UBXN6: variants seen among roughly 807,000 people sequenced by gnomAD.
The protein encoded by UBXN6 is UBX domain protein 6.
UBXN6 carries 44 observed loss-of-function variants against 51.4 expected under a neutral mutation model. The observed-to-expected ratio is 0.86, with a 90% CI of 0.67 to 1.10. The LOEUF (loss-of-function observed/expected upper bound fraction) is 1.10. Among genes scored for constraint, UBXN6 ranks in the 50% least tolerant of loss-of-function variants. The probability of loss-of-function intolerance (pLI) is 0.00; values close to 1 mark genes in which losing one functional copy is unlikely to be tolerated. For missense variants in UBXN6, 672 were observed against 596.1 expected (o/e 1.13, Z -1.32); for synonymous variants, 316 against 263.2 (o/e 1.20, Z -1.94).
At chr19:4,448,200 C>A (rs1974578576) in intron 5 of UBXN6, 118 bp downstream of exon 5, 1 of 940,820 alleles carries the variant, frequency 1.1e-6, no homozygotes, top group Non-Finnish European at 1.6e-6. Flanking sequence ...TCGGCCTATG[C>A]TCCTTCCCAA....
chr19:4,452,592 C>T (rs1974673131), intron 3 of UBXN6, 100 bp from the exon 4 acceptor site: 1 of 1,442,724 alleles, frequency 6.9e-7, no homozygotes, highest in African/African-American at 1.4e-5. Flanking sequence ...AACCAGACAT[C>T]TCCAGCCCCC....
At chr19:4,445,774 C>T in intron 10 of UBXN6, 151 bp from the exon 11 acceptor site, 1 of 1,314,650 alleles carries the variant, frequency 7.6e-7, no homozygotes, top group Non-Finnish European at 1.0e-6. Context: ...CTCCTGCCCT[C>T]TCCCTCCGGG....
chr19:4,449,114 G>A (rs894494270), intron 4 of UBXN6: 1 of 153,844 alleles, frequency 6.5e-6, no homozygotes, highest in African/African-American at 2.4e-5. Context: ...GAGAGGCTGA[G>A]AACAGTACGT....
At chr19:4,453,174 T>A (rs182021672) in intron 3 of UBXN6, among the ~76,000 whole-genome samples, 18 of 152,248 alleles carry the variant, frequency 1.2e-4, no homozygotes, top group African/African-American at 4.3e-4. Context: ...TCTTTTTGAA[T>A]AGTGGAAACT....
At chr19:4,447,319 G>A (rs1260779555) in intron 6 of UBXN6, 1 of 584,174 alleles carries the variant, frequency 1.7e-6, no homozygotes, top group East Asian at 2.9e-5. Flanking sequence ...GGAGGAAAAG[G>A]ATGCAGGTGA....
At chr19:4,449,766 G>C (rs1023316595) in intron 4 of UBXN6, 1 of 152,172 alleles carries the variant, frequency 6.6e-6, no homozygotes, top group Non-Finnish European at 1.5e-5. Flanking sequence ...TTTCACAGCT[G>C]TAAGCAAAAG....
At chr19:4,449,414 G>A (rs560215795) in intron 4 of UBXN6, 16 of 152,468 alleles carry the variant, frequency 1.0e-4, no homozygotes, top group African/African-American at 3.1e-4. Flanking sequence ...CCTACACACT[G>A]AGCCGGGGCT....
intron 3 of UBXN6, 152 bp from the exon 4 acceptor site, chr19:4,452,644 C>G: frequency 9.0e-7 from 1 of 1,116,668 alleles, no homozygotes; most frequent in Non-Finnish European, 1.2e-6. Context: ...GACACCCTGG[C>G]CAAGTGACCG....
In UBXN6 at chr19:4,452,486, C is replaced by CA; in HGVS notation, c.318dup (p.Glu107Ter). The CA allele has an allele frequency of 1.2e-6, 2 of 1,610,774 alleles. No homozygotes were observed. The highest frequency in any genetic ancestry group is 1.7e-6 in the Non-Finnish European group (2 of 1,179,600). On this transcript the variant is annotated frameshift_variant, in exon 4 of 11. Transcript: ENST00000301281. LOFTEE classifies it high-confidence loss of function. ...TGGGCAGAGCCTTCCTCTCTGGGCT[C>CA]AGATACCTGGGGCGGTGAAAGCGTC...
At chr19:4,447,830 C>G in intron 5 of UBXN6, 1 of 590,138 alleles carries the variant, frequency 1.7e-6, no homozygotes, top group Non-Finnish European at 3.1e-6. Context: ...CTGGTGCCAG[C>G]AGGAGCCCCA....
chr19:4,452,441 A>G lies in UBXN6; in HGVS notation c.364T>C (p.Tyr122His). Reference sequence around the variant, plus strand: ...GCCCCAGTGAGCGGACAGGTGAAGTACACGCCAGGCACAGCCAGGTGGGCA... The same window carrying G: ...GCCCCAGTGAGCGGACAGGTGAAGTGCACGCCAGGCACAGCCAGGTGGGCA... Reference protein sequence around the residue: ...GSAHLAVPGVYFTCPLTGATL... With the variant: ...GSAHLAVPGVHFTCPLTGATL... The change falls in exon 4 of 11, where the codon TAC becomes CAC. Residue 122 changes from tyrosine (Y) to histidine (H), a missense_variant. By Grantham distance (83) the Tyr-to-His change is moderately conservative (BLOSUM62 2). Coordinates refer to ENST00000301281, the MANE Select transcript of UBXN6 (RefSeq NM_025241.3). The G allele has an allele frequency of 1.9e-6, 3 of 1,612,528 alleles. No homozygotes were observed. The South Asian group carries it at 3.3e-5, about 18-fold the overall frequency.
At chr19:4,451,544 G>A in intron 4 of UBXN6, among the ~76,000 whole-genome samples, 1 of 152,114 alleles carries the variant, frequency 6.6e-6, no homozygotes, top group Non-Finnish European at 1.5e-5. Flanking sequence ...GGCAGAGACA[G>A]GGTTTTGCCA....
Position 4,446,392 on chromosome 19 carries a change from C to T in UBXN6, c.942G>A (p.Leu314=), listed in dbSNP as rs775376246. The T allele has an allele frequency of 3.0e-5, 47 of 1,578,274 alleles. No homozygotes were observed. Among genetic ancestry groups the T allele is most frequent in the Middle Eastern group, 1.7e-4 (1 of 6,048 alleles). The part of the protein sequence containing the change: ...QRLRSEAVER[L]SVLRTKAMRE... ...GCATGGCCTTGGTCCGCAGCACGCT[C>T]AGCCGCTCCACCGCCTCGGACCTGC... is the stretch of plus-strand genomic sequence containing the variant. The change falls in exon 9 of 11, where the codon CTG becomes CTA. Residue 314 remains leucine, a synonymous_variant. Transcript: ENST00000301281.
At chr19:4,453,547 G>A (rs1974691847) in intron 2 of UBXN6, 25 bp from the exon 3 acceptor site, 1 of 1,611,172 alleles carries the variant, frequency 6.2e-7, no homozygotes, top group Non-Finnish European at 8.5e-7. Flanking sequence ...AAGAAAGAGA[G>A]GCAGAGACGG....
chr19:4,452,253 G>A lies in UBXN6; in HGVS notation c.441+111C>T. 3.4e-6 allele frequency: 5 copies of A among 1,485,026 alleles called. No homozygotes were observed. In the South Asian group the frequency reaches 6.7e-5, roughly 20 times the overall value. The allele number at this position is 1,485,026 out of a possible 1,614,324, so 92.0% of individuals were successfully genotyped here. ...CAGAGGAGGGGCTTCACTACTAGCA[G>A]TGGCCTCTGGGGACTCTGGGAGGGA... On this transcript the variant is annotated intron_variant, in intron 4 of 10. Coordinates refer to ENST00000301281, the MANE Select transcript of UBXN6 (RefSeq NM_025241.3).
At chr19:4,448,578 G>A (rs564672174) in intron 4 of UBXN6, 163 bp from the exon 5 acceptor site, 211 of 644,350 alleles carry the variant, frequency 3.3e-4, no homozygotes, top group Admixed American at 1.5e-3. Flanking sequence ...CTCCAAGACC[G>A]CAGCCCTGCC....
exon 1 of UBXN6, chr19:4,457,789 GAAAATT>G (rs1974762781): frequency 1.4e-4 from 7 of 51,402 alleles, no homozygotes; most frequent in Non-Finnish European, 1.7e-4. Flanking sequence ...GCCACCGGAA[GAAAATT>G]AAAAAAAAAA....
chr19:4,454,002 C>G lies in UBXN6; in HGVS notation c.175G>C (p.Ala59Pro), dbSNP rs368537262. 3.1e-6 allele frequency: 5 copies of G among 1,608,988 alleles called. No homozygotes were observed. The highest frequency in any genetic ancestry group is 1.7e-5 in the Admixed American group (1 of 59,236). ...TGCTTCTGCTCCAGCCGGGCTAGGG[C>G]GGCAGCGGCTGCCATCTGTGCCTCA... Reference protein sequence around the residue: ...TNEAQMAAAAALARLEQKQSR... With the variant: ...TNEAQMAAAAPLARLEQKQSR... The change falls in exon 2 of 11, where the codon GCC (alanine) becomes CCC (proline). Residue 59 changes from alanine to proline, a missense_variant. By Grantham distance (27) the Ala-to-Pro change is conservative. Coordinates refer to ENST00000301281, the MANE Select transcript of UBXN6 (RefSeq NM_025241.3).
At chr19:4,455,112 C>T (rs1974721924) in intron 1 of UBXN6, 5 of 712,596 alleles carry the variant, frequency 7.0e-6, no homozygotes, top group East Asian at 1.3e-4. Context: ...CCGTAACCCA[C>T]GTGGCACAGT....
Sources: gnomAD v4.1 joint callset for allele counts (sites outside exome capture counted in the v4.1 genomes callset) on GRCh38, gnomAD v4.1.1 for gene constraint, MANE v1.5 for transcripts, NCBI Gene and HGNC (gene_info 2026-07-23, HGNC 2026-07-21) for gene names.